Variants in VEPH1 observed in about 807,000 individuals in gnomAD.
VEPH1 encodes ventricular zone expressed PH domain containing 1.
Under a neutral mutation model 85.2 loss-of-function variants are expected in VEPH1, and 80 were observed. That is an observed-to-expected ratio of 0.94 (90% CI 0.78 to 1.13). The LOEUF (loss-of-function observed/expected upper bound fraction) is 1.13. VEPH1 is among the 50% of genes most tolerant of loss of function. The pLI is 0.00. For synonymous variants in VEPH1, 297 were observed against 348.0 expected (o/e 0.85, Z 1.63); for missense variants, 955 against 980.5 (o/e 0.97, Z 0.35).
chr3:157,265,577 TGTTTTCCACCTTTTGATG>T lies in VEPH1; in HGVS notation c.2196_2213del (p.Phe732_Thr738delinsLeu). 1 of 1,613,626 alleles carries T rather than the reference TGTTTTCCACCTTTTGATG, an allele frequency of 6.2e-7. No homozygotes were observed. Among genetic ancestry groups the T allele is most frequent in the Non-Finnish European group, 8.5e-7 (1 of 1,179,684 alleles). ...GATTTCCAGCCAGTGTAAAATAGCG[TGTTTTCCACCTTTTGATG>T]AACTTCCATCTGACTTGCTTCTCTT... On this transcript the variant is annotated inframe_deletion, in exon 13 of 14. Transcript: ENST00000362010.
At chr3:157,305,211 G>A (rs1719363561) in intron 11 of VEPH1, among the ~76,000 whole-genome samples, 1 of 136,900 alleles carries the variant, frequency 7.3e-6, no homozygotes, top group Non-Finnish European at 1.5e-5. Flanking sequence ...CCGGGTTCAC[G>A]CCATTCTCCT....
intron 11 of VEPH1, among the ~76,000 whole-genome samples, chr3:157,291,152 T>C (rs1170695544): frequency 6.6e-6 from 1 of 152,234 alleles, no homozygotes; most frequent in Non-Finnish European, 1.5e-5. Context: ...CTGTGGTTAA[T>C]AGGATCACTC....
At chr3:157,429,656 G>A (rs567160843) in intron 4 of VEPH1, among the ~76,000 whole-genome samples, 37 of 152,234 alleles carry the variant, frequency 2.4e-4, no homozygotes, top group Middle Eastern at 3.4e-3. Flanking sequence ...GGTTGTGTTC[G>A]TCAGTATTTA....
At chr3:157,452,802 A>C (rs1735080982) in intron 4 of VEPH1, among the ~76,000 whole-genome samples, 1 of 152,236 alleles carries the variant, frequency 6.6e-6, no homozygotes, top group African/African-American at 2.4e-5. Context: ...TCTAAGCTTC[A>C]GCTTGCTCAC....
chr3:157,461,423 G>T (rs144599805), intron 3 of VEPH1, among the ~76,000 whole-genome samples: 2 of 152,128 alleles, frequency 1.3e-5, no homozygotes, highest in Admixed American at 1.3e-4. Flanking sequence ...TCCTACTCTT[G>T]CATTATTTGA....
chr3:157,325,547 T>G (rs1721808009), intron 9 of VEPH1, among the ~76,000 whole-genome samples: 1 of 152,188 alleles, frequency 6.6e-6, no homozygotes, highest in South Asian at 2.1e-4. Context: ...CAGTTTCAAT[T>G]TTCGTCATAT....
intron 6 of VEPH1, among the ~76,000 whole-genome samples, chr3:157,409,153 GTTGT>G (rs1221934668): frequency 6.6e-6 from 1 of 152,048 alleles, no homozygotes; most frequent in Non-Finnish European, 1.5e-5. Context: ...CTGCTGGATG[GTTGT>G]TTGGGGAATG....
At chr3:157,274,665 T>C (rs1715152471) in intron 12 of VEPH1, among the ~76,000 whole-genome samples, 1 of 152,086 alleles carries the variant, frequency 6.6e-6, no homozygotes, top group Non-Finnish European at 1.5e-5. Flanking sequence ...ACCTGGATAA[T>C]TTTTAATTTT....
chr3:157,353,027 T>C (rs10513510), intron 9 of VEPH1, among the ~76,000 whole-genome samples: 35,794 of 151,982 alleles, frequency 0.24, 4,935 homozygotes, highest in Admixed American at 0.44. Flanking sequence ...TGGTGACCAA[T>C]GAGATGAAGT....
intron 11 of VEPH1, among the ~76,000 whole-genome samples, chr3:157,291,755 C>T (rs1717499609): frequency 6.6e-6 from 1 of 152,198 alleles, no homozygotes; most frequent in African/African-American, 2.4e-5. Flanking sequence ...TTTAAAAATA[C>T]TTAGTATGGC....
At position 157,428,376 on chromosome 3, in the gene VEPH1, T is replaced by C. The variant is rs35840557; in HGVS notation, c.642A>G (p.Glu214=). The C allele has an allele frequency of 5.6e-6, 9 of 1,614,084 alleles. No homozygotes were observed. Among genetic ancestry groups the C allele is most frequent in the Admixed American group, 1.7e-5 (1 of 60,004 alleles). Residue 214 remains glutamate (E), a synonymous_variant, in exon 5 of 14, where the codon GAA becomes GAG. Transcript: ENST00000362010. The part of the protein sequence containing the change: ...LALMSQLEQP[E]QYHLLRLLHV... ...GCAAAAGCCGTAGTAGATGGTACTG[T>C]TCTGGCTGTTCCAGCTGAGACATCA...
chr3:157,381,064 C>A, intron 7 of VEPH1, 92 bp downstream of exon 7: 1 of 1,318,114 alleles, frequency 7.6e-7, no homozygotes, highest in South Asian at 1.2e-5. Flanking sequence ...CAGGTTTTAG[C>A]TTCCTTTGGA....
At chr3:157,288,304 CT>C (rs2108382141) in intron 11 of VEPH1, among the ~76,000 whole-genome samples, 1 of 152,316 alleles carries the variant, frequency 6.6e-6, no homozygotes, top group Non-Finnish European at 1.5e-5. Context: ...CTTATCTTCT[CT>C]CTGTATAGGA....
chr3:157,470,033 A>G (rs1216050699), intron 3 of VEPH1, among the ~76,000 whole-genome samples: 1 of 151,926 alleles, frequency 6.6e-6, no homozygotes, highest in African/African-American at 2.4e-5. Context: ...CTTGGCACAT[A>G]TTGCTTTCTT....
At chr3:157,435,713 G>A (rs569834470) in intron 4 of VEPH1, among the ~76,000 whole-genome samples, 3 of 152,214 alleles carry the variant, frequency 2.0e-5, no homozygotes, top group Non-Finnish European at 2.9e-5. Context: ...CTTTGGCTCC[G>A]GGATTTTCCC....
At chr3:157,378,811 A>G (rs1310993175) in intron 7 of VEPH1, among the ~76,000 whole-genome samples, 2 of 152,038 alleles carry the variant, frequency 1.3e-5, no homozygotes, top group South Asian at 2.1e-4. Context: ...CTCCATTTCT[A>G]TGCGGTCATT....
At chr3:157,323,239 C>T (rs1559958232) in intron 9 of VEPH1, among the ~76,000 whole-genome samples, 2 of 152,072 alleles carry the variant, frequency 1.3e-5, no homozygotes, top group Non-Finnish European at 2.9e-5. Context: ...AAGGTAAAAA[C>T]AAAATTAGAT....
At chr3:157,301,405 C>T (rs1718790556) in intron 11 of VEPH1, among the ~76,000 whole-genome samples, 1 of 152,140 alleles carries the variant, frequency 6.6e-6, no homozygotes, top group Non-Finnish European at 1.5e-5. Flanking sequence ...TCATCAATCT[C>T]AACCTCTCTA....
intron 2 of VEPH1, among the ~76,000 whole-genome samples, chr3:157,492,563 T>C (rs1706849583): frequency 6.6e-6 from 1 of 152,166 alleles, no homozygotes; most frequent in African/African-American, 2.4e-5. Flanking sequence ...AGGTGAAGCC[T>C]GGTGCTTATC....
Sources: allele counts gnomAD v4.1 joint callset (sites outside exome capture counted in the v4.1 genomes callset), GRCh38; gene constraint gnomAD v4.1.1; transcripts MANE v1.5; gene names NCBI Gene and HGNC (gene_info 2026-07-23, HGNC 2026-07-21).